Variants in GRHL1 observed in about 807,000 individuals in gnomAD.
GRHL1 encodes grainyhead like transcription factor 1.
A neutral mutation model predicts 75.7 loss-of-function variants in GRHL1; 38 were observed. The observed-to-expected ratio is 0.50, with a 90% confidence interval of 0.39 to 0.66. The LOEUF is 0.66. GRHL1 is among the 30% of genes least tolerant of loss of function. The pLI is 0.00. For synonymous variants in GRHL1, 266 were observed against 279.4 expected, an observed-to-expected ratio of 0.95 and a Z score of 0.48; for missense variants, 589 against 767.5, an observed-to-expected ratio of 0.77 and a Z score of 2.75.
Position 9,990,630 on chromosome 2 carries a change from T to G in GRHL1, c.1270-66T>G. On this transcript the variant is annotated intron_variant, in intron 9 of 15. Transcript: ENST00000324907. This position sits in a 1 kb window ranked among gnomAD's most constrained non-coding sequence, Gnocchi z 4.2. ...AGGCTTCTTCTTCCATTGGTCAGGATAAGAGTTAAATATTTTAAAGAAGAT... is the reference window on the plus strand; with the variant it reads ...AGGCTTCTTCTTCCATTGGTCAGGAGAAGAGTTAAATATTTTAAAGAAGAT... The G allele has an allele frequency of 1.0e-6, 1 of 993,910 alleles. No individual in the cohort carries two copies. The highest frequency in any genetic ancestry group is 1.6e-5 in the African/African-American group (1 of 61,996). 61.6% of individuals were successfully genotyped at this position (993,910 alleles called of 1,614,324 possible).
chr2:9,998,577 C>CATATGTACATATATATGTACACATAT (rs1669029134), intron 14 of GRHL1, among the ~76,000 whole-genome samples: 2 of 48,106 alleles, frequency 4.2e-5, no homozygotes, highest in Non-Finnish European at 7.5e-5. Context: ...TATATATATA[C>CATATGTACATATATATGTACACATAT]ATATGTACAT....
rs1469755238 is a variant in GRHL1, at chr2:9,996,377, A to G, written c.1653A>G (p.Pro551=). 1.2e-6 allele frequency: 2 copies of G among 1,610,776 alleles called. No individual in the cohort carries two copies. The highest frequency in any genetic ancestry group is 1.7e-6 in the Non-Finnish European group (2 of 1,177,082). The part of the protein sequence containing the change: ...EVFDALMLKT[P]SLKGLMEAIS... The stretch of plus-strand genomic sequence containing the variant: ...TTGATGCCCTGATGCTCAAAACCCC[A>G]TCTTTGAAGGGCTTGATGGAAGCTG... Residue 551 remains proline (P), a synonymous_variant, in exon 14 of 16, where the codon CCA becomes CCG. Transcript: ENST00000324907.
intron 3 of GRHL1, chr2:9,960,092 T>C (rs1222087972): frequency 6.6e-6 from 1 of 152,222 alleles, no homozygotes; most frequent in Non-Finnish European, 1.5e-5. Context: ...TTTAATTTTA[T>C]AAAAAGCAGA....
At chr2:9,989,706 G>T (rs890359458) in intron 9 of GRHL1, among the ~76,000 whole-genome samples, 1 of 151,956 alleles carries the variant, frequency 6.6e-6, no homozygotes, top group Admixed American at 6.6e-5. Flanking sequence ...GCATCACCAC[G>T]CCCGGCTAAA....
At position 9,961,235 on chromosome 2, in the gene GRHL1, C is replaced by A. The variant is rs775664486; in HGVS notation, c.468C>A (p.Ser156=). ...CCATAGCAACGATGCCTACCCACTC[C>A]ATCAAGACAGAAACCCAGCCACATG... ...TVSIATMPTH[S]IKTETQPHGF... Residue 156 remains serine (S), a synonymous_variant, in exon 4 of 16, where the codon TCC becomes TCA. Transcript: ENST00000324907. 3 of 1,614,030 alleles carry A rather than the reference C, an allele frequency of 1.9e-6. No homozygotes were observed. In the Admixed American group the frequency reaches 5.0e-5, roughly 27 times the overall value.
chr2:9,992,302 C>T lies in GRHL1; in HGVS notation c.1461+156C>T, dbSNP rs571567460. On this transcript the variant is annotated intron_variant, in intron 11 of 15. Coordinates refer to ENST00000324907, the MANE Select transcript of GRHL1 (RefSeq NM_198182.3). The surrounding 1 kb of genome is among the most constrained non-coding windows in gnomAD (Gnocchi z 4.6). ...TATTCTGCTGGGGTGACATGATGCC[C>T]GTGCAATAAAAATGGTAAGCATCGC... Among the ~76,000 whole-genome samples the T allele has an allele frequency of 8.8e-4, 134 of 152,256 alleles. No homozygotes were observed. The highest frequency in any genetic ancestry group is 1.5e-3 in the Non-Finnish European group (100 of 68,020).
intron 2 of GRHL1, among the ~76,000 whole-genome samples, chr2:9,955,969 T>C (rs1667004840): frequency 6.6e-6 from 1 of 152,242 alleles, no homozygotes; most frequent in South Asian, 2.1e-4. Context: ...TTTGTCTCAT[T>C]GTCACTCTGT....
At chr2:9,961,651 C>G (rs1667279712) in intron 4 of GRHL1, among the ~76,000 whole-genome samples, 1 of 152,054 alleles carries the variant, frequency 6.6e-6, no homozygotes, top group Non-Finnish European at 1.5e-5. Context: ...CTAATCTTAC[C>G]AGCAGCTGAG....
At chr2:9,989,181 G>A (rs1668541796) in intron 9 of GRHL1, among the ~76,000 whole-genome samples, 1 of 152,086 alleles carries the variant, frequency 6.6e-6, no homozygotes, top group South Asian at 2.1e-4. Flanking sequence ...GGCAGAAGGT[G>A]GTTTTATATT....
chr2:9,968,039 T>C lies in GRHL1; in HGVS notation c.1110+2658T>C, dbSNP rs1040760636. Among the ~76,000 whole-genome samples the C allele has an allele frequency of 8.5e-5, 13 of 152,224 alleles. No individual in the cohort carries two copies. Among genetic ancestry groups the C allele is most frequent in the African/African-American group, 2.9e-4 (12 of 41,462 alleles). On this transcript the variant is annotated intron_variant, in intron 8 of 15. Transcript: ENST00000324907. The surrounding 1 kb of genome is among the most constrained non-coding windows in gnomAD (Gnocchi z 4.7). ...CCTTTTAGTGATCTCTAATGTACCC[T>C]TTTGGCCATGCCAGGATGAGTAAAA...
At chr2:9,998,829 T>TATACGTATATATATGTACACAC (rs1669112030) in intron 14 of GRHL1, 136 bp from the exon 15 acceptor site, 1 of 104,594 alleles carries the variant, frequency 9.6e-6, no homozygotes, top group African/African-American at 8.6e-5. Context: ...TGTACACATA[T>TATACGTATATATATGTACACAC]ATATATACGT....
chr2:9,977,563 C>A (rs1667999587), intron 8 of GRHL1, among the ~76,000 whole-genome samples: 1 of 152,204 alleles, frequency 6.6e-6, no homozygotes, highest in African/African-American at 2.4e-5. Context: ...CTCAAGTGAT[C>A]CGCCCGCCTC....
intron 8 of GRHL1, among the ~76,000 whole-genome samples, chr2:9,984,023 G>A (rs1420978536): frequency 6.6e-6 from 1 of 152,042 alleles, no homozygotes; most frequent in Non-Finnish European, 1.5e-5. Flanking sequence ...GTGTGGTGGT[G>A]CAAGCCTGTA....
chr2:9,952,895 C>T (rs1025552720), intron 1 of GRHL1: 1 of 407,882 alleles, frequency 2.5e-6, no homozygotes, highest in South Asian at 1.8e-5. Flanking sequence ...ATGGATTACT[C>T]TTATGTTGTA....
Position 9,992,513 on chromosome 2 carries a change from TATAAC to T in GRHL1, c.1461+372_1461+376del, listed in dbSNP as rs140098257. ...GGCAATACCTAGGTTAAGGAGCTCT[TATAAC>T]ATAAGAACATCCGAAGGCTTTTCTC... On this transcript the variant is annotated intron_variant, in intron 11 of 15. Transcript: ENST00000324907. The surrounding 1 kb of genome is among the most constrained non-coding windows in gnomAD (Gnocchi z 4.6). 0.043 allele frequency among the ~76,000 whole-genome samples: 6,484 copies of T among 152,274 alleles called. 260 individuals carry two copies. The highest frequency in any genetic ancestry group is 0.11 in the African/African-American group (4,425 of 41,518).
In GRHL1 at chr2:9,999,048, C is replaced by T. The variant is rs1669150577; in HGVS notation, c.1742+19C>T. On this transcript the variant is annotated intron_variant, in intron 15 of 15. Transcript: ENST00000324907. Reference sequence around the variant, plus strand: ...AAAAGGGGTAAGCAGCCACTGCGTCCTGTGTACCTCGGAAAGTGCTGATGC... The same window carrying T: ...AAAAGGGGTAAGCAGCCACTGCGTCTTGTGTACCTCGGAAAGTGCTGATGC... The T allele has an allele frequency of 6.9e-7, 1 of 1,451,434 alleles. No individual in the cohort carries two copies. Among genetic ancestry groups the T allele is most frequent in the Non-Finnish European group, 9.5e-7 (1 of 1,055,056 alleles). The allele number at this position is 1,451,434 out of a possible 1,614,324, so 89.9% of individuals were successfully genotyped here. A position where few individuals can be genotyped will look rare whatever the true frequency, so the allele number is the denominator to read the frequency against.
At chr2:9,983,052 T>C (rs1400673162) in intron 8 of GRHL1, among the ~76,000 whole-genome samples, 1 of 152,174 alleles carries the variant, frequency 6.6e-6, no homozygotes, top group African/African-American at 2.4e-5. Flanking sequence ...TGCATGTGGC[T>C]CCCCTTGTAG....
chr2:9,951,816 C>T lies in GRHL1; in HGVS notation c.-18C>T. 6.5e-7 allele frequency: 1 copy of T among 1,528,752 alleles called. No individual in the cohort carries two copies. The highest frequency in any genetic ancestry group is 2.8e-5 in the East Asian group (1 of 36,040). 94.7% of individuals were successfully genotyped at this position (1,528,752 alleles called of 1,614,324 possible). A position where few individuals can be genotyped will look rare whatever the true frequency, so the allele number is the denominator to read the frequency against. ...CCGAAAGTCCAGTTCTGCGGCCCGG[C>T]AGCGGCGAGCGGGCGCGATGACACA... On this transcript the variant is annotated 5_prime_UTR_variant, in exon 1 of 16. Coordinates refer to ENST00000324907, the MANE Select transcript of GRHL1 (RefSeq NM_198182.3). The surrounding 1 kb of genome is among the most constrained non-coding windows in gnomAD (Gnocchi z 4.2).
chr2:9,980,836 T>C (rs1161929359), intron 8 of GRHL1, among the ~76,000 whole-genome samples: 2 of 152,244 alleles, frequency 1.3e-5, no homozygotes, highest in Non-Finnish European at 2.9e-5. Flanking sequence ...GTATGTTTTA[T>C]AGAGGAGGAG....
Sources: allele counts gnomAD v4.1 joint callset (sites outside exome capture counted in the v4.1 genomes callset), GRCh38; gene constraint gnomAD v4.1.1; non-coding constraint Gnocchi (gnomAD v3.1); transcripts MANE v1.5; gene names NCBI Gene and HGNC (gene_info 2026-07-23, HGNC 2026-07-21).